ROBO1: variants seen among roughly 807,000 people sequenced by gnomAD.
The protein encoded by ROBO1 is roundabout homolog 1.
Under a neutral mutation model 195.9 loss-of-function variants are expected in ROBO1, and 149 were observed. The ratio of observed to expected loss-of-function variants is 0.76; its 90% CI spans 0.67 to 0.87. The LOEUF is 0.87. ROBO1 is among the 40% of genes least tolerant of loss of function. The probability of loss-of-function intolerance (pLI) is 0.00; values close to 1 mark genes in which losing one functional copy is unlikely to be tolerated. For missense variants in ROBO1, 1,933 were observed against 2,068.3 expected (o/e 0.93, Z 1.27); for synonymous variants, 816 against 733.2 (o/e 1.11, Z -1.82).
At chr3:79,420,635 T>C (rs959957265) in intron 2 of ROBO1, among the ~76,000 whole-genome samples, 1 of 152,142 alleles carries the variant, frequency 6.6e-6, no homozygotes, top group Admixed American at 6.6e-5. Flanking sequence ...GAATCTGAGT[T>C]AGCTTTATTA....
At chr3:78,630,283 C>A (rs1307604234) in intron 25 of ROBO1, among the ~76,000 whole-genome samples, 3 of 152,166 alleles carry the variant, frequency 2.0e-5, no homozygotes, top group Non-Finnish European at 4.4e-5. Flanking sequence ...TGCTAACTCA[C>A]TGTTCACAAG....
intron 2 of ROBO1, among the ~76,000 whole-genome samples, chr3:79,273,478 C>A (rs981411154): frequency 6.6e-6 from 1 of 151,932 alleles, no homozygotes; most frequent in Non-Finnish European, 1.5e-5. Context: ...TATTTGCAAG[C>A]CTCATGGTAA....
chr3:79,591,098 G>A (rs566457214), intron 1 of ROBO1, among the ~76,000 whole-genome samples: 25 of 151,820 alleles, frequency 1.6e-4, no homozygotes, highest in East Asian at 3.9e-4. Context: ...TTAGATTTGC[G>A]AGTTGGGAAG....
At chr3:78,920,624 G>GTTTTTTTTTTT (rs34364869) in intron 4 of ROBO1, among the ~76,000 whole-genome samples, 7 of 60,950 alleles carry the variant, frequency 1.1e-4, no homozygotes, top group African/African-American at 3.0e-4. Context: ...CTTTCTTTCA[G>GTTTTTTTTTTT]TTTTTTTTTT....
intron 2 of ROBO1, among the ~76,000 whole-genome samples, chr3:79,193,020 A>G (rs2081568978): frequency 6.6e-6 from 1 of 151,676 alleles, no homozygotes; most frequent in South Asian, 2.1e-4. Context: ...AGAGAAACGA[A>G]GTTTTAAGAA....
chr3:79,748,586 C>T (rs909562050), intron 1 of ROBO1, among the ~76,000 whole-genome samples: 3 of 152,098 alleles, frequency 2.0e-5, no homozygotes, highest in Admixed American at 6.5e-5. Context: ...TTTGCTGTGT[C>T]CCCACCCAAA....
chr3:79,736,642 G>A (rs573305454), intron 1 of ROBO1, among the ~76,000 whole-genome samples: 20 of 152,120 alleles, frequency 1.3e-4, no homozygotes, highest in Non-Finnish European at 2.8e-4. Flanking sequence ...CAATTCAGTG[G>A]ACAATGTTAA....
intron 2 of ROBO1, among the ~76,000 whole-genome samples, chr3:79,224,827 T>C (rs928763740): frequency 5.3e-5 from 8 of 152,066 alleles, no homozygotes; most frequent in African/African-American, 1.9e-4. Context: ...TGAAAAAAGA[T>C]GGATGAAAAG....
At chr3:78,867,368 A>G (rs1322518060) in intron 4 of ROBO1, among the ~76,000 whole-genome samples, 1 of 152,206 alleles carries the variant, frequency 6.6e-6, no homozygotes, top group Admixed American at 6.5e-5. Flanking sequence ...AATACAGGAA[A>G]TTGAAATTTT....
At position 78,820,788 on chromosome 3, in the gene ROBO1, A is replaced by T. The variant is rs576349120; in HGVS notation, c.500-73888T>A. On this transcript the variant is annotated intron_variant, in intron 4 of 30. Transcript: ENST00000464233. Reference sequence around the variant, plus strand: ...TGCTGGGCAGACTGACTCTTATATCATTCACACCAGAAGTTCAGTGGCAAT... The same window carrying T: ...TGCTGGGCAGACTGACTCTTATATCTTTCACACCAGAAGTTCAGTGGCAAT... Among the ~76,000 whole-genome samples, 23 of 152,288 alleles carry T rather than the reference A, an allele frequency of 1.5e-4. No homozygotes were observed. The South Asian group carries it at 4.8e-3, about 32-fold the overall frequency.
chr3:79,693,574 G>C (rs1243718259), intron 1 of ROBO1, among the ~76,000 whole-genome samples: 1 of 151,650 alleles, frequency 6.6e-6, no homozygotes, highest in Non-Finnish European at 1.5e-5. Context: ...TAGGGCTACA[G>C]TTGTACACTA....
At chr3:78,779,577 G>A (rs191835709) in intron 4 of ROBO1, among the ~76,000 whole-genome samples, 2 of 152,312 alleles carry the variant, frequency 1.3e-5, no homozygotes, top group East Asian at 3.9e-4. Context: ...ACGTCAGTTA[G>A]AATGTTGTTC....
intron 4 of ROBO1, among the ~76,000 whole-genome samples, chr3:78,848,342 A>C (rs1432911564): frequency 6.6e-6 from 1 of 152,170 alleles, no homozygotes; most frequent in Non-Finnish European, 1.5e-5. Context: ...CACCAACCTA[A>C]TATTTTCATT....
intron 1 of ROBO1, among the ~76,000 whole-genome samples, chr3:79,709,075 T>A (rs934909232): frequency 3.3e-5 from 5 of 152,122 alleles, no homozygotes; most frequent in Non-Finnish European, 7.4e-5. Context: ...AATAATATTT[T>A]AAATGTAAAA....
At chr3:78,695,870 C>T (rs1350859414) in intron 8 of ROBO1, among the ~76,000 whole-genome samples, 1 of 151,912 alleles carries the variant, frequency 6.6e-6, no homozygotes, top group Non-Finnish European at 1.5e-5. Flanking sequence ...GTTCTACTCT[C>T]AGTAAACAAA....
At chr3:79,119,502 T>G (rs2080076636) in intron 3 of ROBO1, among the ~76,000 whole-genome samples, 1 of 152,180 alleles carries the variant, frequency 6.6e-6, no homozygotes, top group Admixed American at 6.5e-5. Context: ...TCTTAATAAT[T>G]GAGGTCACCC....
intron 2 of ROBO1, among the ~76,000 whole-genome samples, chr3:79,153,114 G>A (rs947690084): frequency 6.6e-6 from 1 of 151,604 alleles, no homozygotes; most frequent in Non-Finnish European, 1.5e-5. Flanking sequence ...TGCATTGAGG[G>A]TGAGCGGGTG....
In ROBO1 at chr3:79,483,003, C is replaced by T. The variant is rs190759939; in HGVS notation, c.88+106821G>A. Among the ~76,000 whole-genome samples, 321 of 152,216 alleles carry T rather than the reference C, an allele frequency of 2.1e-3. 2 individuals carry two copies. Among genetic ancestry groups the T allele is most frequent in the African/African-American group, 6.4e-3 (267 of 41,562 alleles). ...TCAACAACAACAGGGTGTGTTGAAA[C>T]GGCAAAAGGGAATTACATGGAGAAC... is the stretch of plus-strand genomic sequence containing the variant. On this transcript the variant is annotated intron_variant, in intron 2 of 30. Coordinates refer to ENST00000464233, the MANE Select transcript of ROBO1 (RefSeq NM_002941.4).
At chr3:79,144,903 A>G (rs1285333301) in intron 2 of ROBO1, among the ~76,000 whole-genome samples, 2 of 152,030 alleles carry the variant, frequency 1.3e-5, no homozygotes. Context: ...GTTATTATGC[A>G]GTGCAGAATA....
Sources: gnomAD v4.1 joint callset for allele counts (sites outside exome capture counted in the v4.1 genomes callset) on GRCh38, gnomAD v4.1.1 for gene constraint, MANE v1.5 for transcripts, NCBI Gene and HGNC (gene_info 2026-07-23, HGNC 2026-07-21) for gene names.